BTNL8: variants seen among roughly 807,000 people sequenced by gnomAD.
BTNL8 encodes butyrophilin like 8.
In BTNL8, 22 loss-of-function variants were observed where a neutral mutation model predicts 36.1. The observed-to-expected ratio is 0.61, with a 90% CI of 0.44 to 0.87. The LOEUF (loss-of-function observed/expected upper bound fraction) is 0.87, where lower values mean the gene tolerates loss of function less well. BTNL8 is among the 40% of genes least tolerant of loss of function. The pLI, the probability that BTNL8 is intolerant of heterozygous loss-of-function variation, is 0.00. For missense variants in BTNL8, 526 were observed against 616.9 expected (o/e 0.85, Z 1.56); for synonymous variants, 203 against 235.6 (o/e 0.86, Z 1.27).
Position 180,935,693 on chromosome 5 carries a change from G to A in BTNL8, c.674-11819G>A, listed in dbSNP as rs969979988. Among the ~76,000 whole-genome samples, 4 of 152,114 alleles carry A rather than the reference G, an allele frequency of 2.6e-5. No homozygotes were observed. Among genetic ancestry groups the A allele is most frequent in the Non-Finnish European group, 2.9e-5 (2 of 68,008 alleles). On this transcript the variant is annotated intron_variant, in intron 3 of 7. Transcript: ENST00000340184. This position sits in a 1 kb window ranked among gnomAD's most constrained non-coding sequence, Gnocchi z 4.8. ...CCCCAGAGCACAGGACTCCTGCCCC[G>A]TGGACTTGGTAGAGAGTGGGGCTCC...
chr5:180,945,269 A>G (rs1759180447), intron 3 of BTNL8, among the ~76,000 whole-genome samples: 1 of 152,240 alleles, frequency 6.6e-6, no homozygotes, highest in African/African-American at 2.4e-5. Flanking sequence ...CCACATGCAC[A>G]TGTGTGAAAT....
chr5:180,934,448 T>A (rs2113838178), intron 3 of BTNL8, among the ~76,000 whole-genome samples: 1 of 152,346 alleles, frequency 6.6e-6, no homozygotes, highest in African/African-American at 2.4e-5. Flanking sequence ...TGGCTTGTGA[T>A]ACCAGTCCAG....
intron 3 of BTNL8, among the ~76,000 whole-genome samples, chr5:180,920,343 T>A (rs913794120): frequency 1.8e-4 from 27 of 152,196 alleles, no homozygotes; most frequent in African/African-American, 6.5e-4. Context: ...ACAAAATGGA[T>A]AAATGATAGT....
intron 3 of BTNL8, among the ~76,000 whole-genome samples, 193 bp from the exon 4 acceptor site, chr5:180,947,319 T>C (rs962981423): frequency 2.0e-5 from 3 of 152,254 alleles, no homozygotes; most frequent in African/African-American, 7.2e-5. Flanking sequence ...ACAGTCGTTA[T>C]CTGTTGAGAA....
At chr5:180,916,439 T>A in intron 3 of BTNL8, among the ~76,000 whole-genome samples, 1 of 150,978 alleles carries the variant, frequency 6.6e-6, no homozygotes, top group East Asian at 1.9e-4. Context: ...AAGAAAAAAC[T>A]AAGCCAAAAT....
At position 180,908,820 on chromosome 5, in the gene BTNL8, G is replaced by A. The variant is rs769346844; in HGVS notation, c.284G>A (p.Gly95Glu). The change falls in exon 2 of 8, where the codon GGG (glycine) becomes GAG (glutamate). Residue 95 changes from glycine to glutamate, a missense_variant. Gly to Glu is a moderately conservative substitution (Grantham distance 98). Coordinates refer to ENST00000340184, the MANE Select transcript of BTNL8 (RefSeq NM_001040462.3). ...TKLVKDSIAE[G>E]RISLRLENIT... The stretch of plus-strand genomic sequence containing the variant: ...CTGGTGAAGGATTCTATTGCGGAGG[G>A]GCGCATCTCTCTGAGGCTGGAAAAC... 41 of 1,614,014 alleles carry A rather than the reference G, an allele frequency of 2.5e-5. No homozygotes were observed. Among genetic ancestry groups the A allele is most frequent in the Non-Finnish European group, 2.8e-5 (33 of 1,180,022 alleles).
chr5:180,930,597 G>A (rs1185703504), intron 3 of BTNL8, among the ~76,000 whole-genome samples: 2 of 152,152 alleles, frequency 1.3e-5, no homozygotes, highest in African/African-American at 2.4e-5. Context: ...AAGCTGATAA[G>A]CAACTTTAGC....
intron 3 of BTNL8, among the ~76,000 whole-genome samples, chr5:180,915,502 G>A (rs1757587271): frequency 6.6e-6 from 1 of 152,198 alleles, no homozygotes; most frequent in African/African-American, 2.4e-5. Flanking sequence ...CTCTCACCAA[G>A]AAGGAACGAG....
At chr5:180,929,358 G>T (rs1208437144) in intron 3 of BTNL8, among the ~76,000 whole-genome samples, 1 of 152,160 alleles carries the variant, frequency 6.6e-6, no homozygotes, top group Non-Finnish European at 1.5e-5. Flanking sequence ...ACAGGAGAAA[G>T]CAGGAAAGAT....
intron 3 of BTNL8, among the ~76,000 whole-genome samples, chr5:180,941,106 A>AAGGG (rs1561945266): frequency 1.2e-5 from 1 of 81,830 alleles, no homozygotes; most frequent in Non-Finnish European, 3.0e-5. Context: ...GGGAGGAAGG[A>AAGGG]AGGGAGGAAG....
chr5:180,947,839 C>T (rs1759351313), intron 4 of BTNL8: 3 of 1,490,556 alleles, frequency 2.0e-6, no homozygotes, highest in Admixed American at 4.0e-5. Context: ...TCATTTAGGT[C>T]AAATAATAAG....
intron 3 of BTNL8, among the ~76,000 whole-genome samples, chr5:180,915,510 G>A (rs936566678): frequency 1.1e-4 from 16 of 152,208 alleles, no homozygotes; most frequent in African/African-American, 3.1e-4. Flanking sequence ...AAGAAGGAAC[G>A]AGAAAAGTAA....
chr5:180,916,965 T>A (rs919471808), intron 3 of BTNL8, among the ~76,000 whole-genome samples: 10 of 152,174 alleles, frequency 6.6e-5, no homozygotes, highest in Non-Finnish European at 1.2e-4. Flanking sequence ...TACGGCACTA[T>A]GAAAAATCAT....
intron 3 of BTNL8, among the ~76,000 whole-genome samples, 155 bp downstream of exon 3, chr5:180,911,769 T>C (rs1757414426): frequency 6.6e-6 from 1 of 152,180 alleles, no homozygotes; most frequent in South Asian, 2.1e-4. Context: ...AAAAGTAAAG[T>C]TATAAACATT....
At position 180,949,887 on chromosome 5, in the gene BTNL8, C is replaced by A. The variant is rs776959692; in HGVS notation, c.863-17C>A. On this transcript the variant is annotated splice_polypyrimidine_tract_variant and intron_variant, in intron 7 of 7. Coordinates refer to ENST00000340184, the MANE Select transcript of BTNL8 (RefSeq NM_001040462.3). ...CTTCAGTAACTCATGCTTCCTCTCT[C>A]CCCCACCGCACCCCAGTGGAGGTGA... The A allele has an allele frequency of 6.9e-7, 1 of 1,443,120 alleles. No homozygotes were observed. The highest frequency in any genetic ancestry group is 9.6e-7 in the Non-Finnish European group (1 of 1,046,674). The allele number at this position is 1,443,120 out of a possible 1,614,324, so 89.4% of individuals were successfully genotyped here.
chr5:180,936,573 G>A (rs190976013), intron 3 of BTNL8, among the ~76,000 whole-genome samples: 1 of 152,208 alleles, frequency 6.6e-6, no homozygotes, highest in African/African-American at 2.4e-5. Context: ...ACTGATTAAA[G>A]AAATTGAAGA....
intron 3 of BTNL8, among the ~76,000 whole-genome samples, chr5:180,941,586 A>C (rs1403092986): frequency 6.6e-6 from 1 of 152,214 alleles, no homozygotes; most frequent in Non-Finnish European, 1.5e-5. Flanking sequence ...GCATATCAAA[A>C]AGAATATACA....
intron 3 of BTNL8, among the ~76,000 whole-genome samples, chr5:180,940,987 G>A (rs1195403721): frequency 6.6e-6 from 1 of 151,988 alleles, no homozygotes; most frequent in Non-Finnish European, 1.5e-5. Context: ...CAACTACTCA[G>A]GAGGCTGAGG....
At chr5:180,939,810 G>A (rs1402459670) in intron 3 of BTNL8, among the ~76,000 whole-genome samples, 2 of 152,088 alleles carry the variant, frequency 1.3e-5, no homozygotes, top group African/African-American at 4.8e-5. Context: ...TCAGCACATG[G>A]AATATTCTGC....
Sources: gnomAD v4.1 joint callset for allele counts (sites outside exome capture counted in the v4.1 genomes callset) on GRCh38, gnomAD v4.1.1 for gene constraint, Gnocchi (gnomAD v3.1) non-coding constraint, MANE v1.5 for transcripts, NCBI Gene and HGNC (gene_info 2026-07-23, HGNC 2026-07-21) for gene names.